Variants in ENTREP2 observed in about 807,000 individuals in gnomAD.
ENTREP2 encodes the protein endosomal transmembrane epsin interactor 2.
At chr15:29,520,918 C>T in the ENTREP2 span, among the ~76,000 whole-genome samples, 3 of 152,104 alleles carry the variant, frequency 2.0e-5, no homozygotes, top group African/African-American at 4.8e-5. Flanking sequence ...AGATTAAAGA[C>T]CAAATAATTG....
the ENTREP2 span, chr15:29,267,780 AC>A: frequency 2.6e-5 from 4 of 152,246 alleles, no homozygotes; most frequent in Non-Finnish European, 5.9e-5. Context: ...AAAAATAAAA[AC>A]ATTAAAGAAT....
At chr15:29,208,418 C>T in the ENTREP2 span, among the ~76,000 whole-genome samples, 1 of 152,160 alleles carries the variant, frequency 6.6e-6, no homozygotes, top group Non-Finnish European at 1.5e-5. Flanking sequence ...TTGAAATGAT[C>T]GAGAAATGCT....
the ENTREP2 span, among the ~76,000 whole-genome samples, chr15:29,670,771 C>T: frequency 6.6e-6 from 1 of 152,182 alleles, no homozygotes; most frequent in African/African-American, 2.4e-5. Flanking sequence ...TGCCCAGGGC[C>T]TCATGCCTGG....
chr15:29,200,807 C>T, the ENTREP2 span, among the ~76,000 whole-genome samples: 1 of 152,144 alleles, frequency 6.6e-6, no homozygotes, highest in African/African-American at 2.4e-5. Flanking sequence ...GGTGATCTGC[C>T]TGCCTTGGCC....
At chr15:29,222,922 G>A in the ENTREP2 span, among the ~76,000 whole-genome samples, 1 of 152,238 alleles carries the variant, frequency 6.6e-6, no homozygotes, top group African/African-American at 2.4e-5. Context: ...AATAGCATGT[G>A]ATACAATCTC....
chr15:29,330,554 A>G, the ENTREP2 span, among the ~76,000 whole-genome samples: 1 of 152,180 alleles, frequency 6.6e-6, no homozygotes, highest in East Asian at 1.9e-4. Context: ...GGGGCACCCT[A>G]CGTAACACTG....
At chr15:29,170,704 G>C in the ENTREP2 span, among the ~76,000 whole-genome samples, 1 of 152,134 alleles carries the variant, frequency 6.6e-6, no homozygotes, top group South Asian at 2.1e-4. Flanking sequence ...CAGTGACAAG[G>C]CTTGCCTTTG....
chr15:29,493,016 GT>G, the ENTREP2 span, among the ~76,000 whole-genome samples: 1 of 144,460 alleles, frequency 6.9e-6, no homozygotes, highest in Non-Finnish European at 1.5e-5. Flanking sequence ...AAAAAAAAAA[GT>G]TTTTGTTGAA....
At chr15:29,294,498 C>T in the ENTREP2 span, among the ~76,000 whole-genome samples, 52 of 152,162 alleles carry the variant, frequency 3.4e-4, no homozygotes, top group African/African-American at 1.0e-3. Context: ...ATGAGGCAAA[C>T]GTGTCTCTTT....
the ENTREP2 span, among the ~76,000 whole-genome samples, chr15:29,355,098 C>A: frequency 1.3e-5 from 2 of 152,148 alleles, no homozygotes; most frequent in African/African-American, 4.8e-5. Context: ...CCACCCCTGT[C>A]TCAGGGTGAA....
chr15:29,467,334 C>CCAAAATG, the ENTREP2 span, among the ~76,000 whole-genome samples: 1 of 152,134 alleles, frequency 6.6e-6, no homozygotes, highest in Admixed American at 6.5e-5. Flanking sequence ...CAAGTCACTG[C>CCAAAATG]CAAAATGCAA....
chr15:29,269,562 C>T, the ENTREP2 span: 1 of 1,525,716 alleles, frequency 6.6e-7, no homozygotes, highest in East Asian at 2.7e-5. Flanking sequence ...GGGACGTGCT[C>T]GGGGCCTCCT....
the ENTREP2 span, among the ~76,000 whole-genome samples, chr15:29,439,609 C>T: frequency 2.0e-5 from 3 of 152,160 alleles, no homozygotes; most frequent in African/African-American, 7.2e-5. Context: ...GGCCCAGATC[C>T]ACTCTAGAAT....
chr15:29,380,473 T>A, the ENTREP2 span, among the ~76,000 whole-genome samples: 1 of 152,228 alleles, frequency 6.6e-6, no homozygotes, highest in Admixed American at 6.5e-5. Flanking sequence ...AATGCCACGC[T>A]GTCTTTTTCA....
chr15:29,294,464 G>A, the ENTREP2 span, among the ~76,000 whole-genome samples: 4 of 152,164 alleles, frequency 2.6e-5, no homozygotes, highest in Non-Finnish European at 4.4e-5. Flanking sequence ...GAGACAGCCC[G>A]CCCTGGGCCT....
At chr15:29,519,574 G>A in the ENTREP2 span, among the ~76,000 whole-genome samples, 14 of 152,172 alleles carry the variant, frequency 9.2e-5, no homozygotes, top group Non-Finnish European at 1.6e-4. Flanking sequence ...TTACTTTATT[G>A]CAAAAATACA....
At chr15:29,240,083 C>CTGGA in the ENTREP2 span, among the ~76,000 whole-genome samples, 3 of 152,222 alleles carry the variant, frequency 2.0e-5, no homozygotes, top group Non-Finnish European at 2.9e-5. Flanking sequence ...TAATGTTTGG[C>CTGGA]TGGACATGGT....
the ENTREP2 span, among the ~76,000 whole-genome samples, chr15:29,215,922 A>C: frequency 1.3e-5 from 2 of 152,152 alleles, no homozygotes; most frequent in Non-Finnish European, 2.9e-5. Flanking sequence ...TGTATCTTTT[A>C]AGGGGAGCAT....
the ENTREP2 span, among the ~76,000 whole-genome samples, chr15:29,483,822 G>A: frequency 0.01 from 1,581 of 152,278 alleles, 28 homozygotes; most frequent in African/African-American, 0.037. Flanking sequence ...ATCACTTGCT[G>A]AGATTTCTGA....
Sources: allele counts gnomAD v4.1 joint callset (sites outside exome capture counted in the v4.1 genomes callset), GRCh38; gene constraint gnomAD v4.1.1; transcripts MANE v1.5; gene names NCBI Gene and HGNC (gene_info 2026-07-23, HGNC 2026-07-21).